C17orf78: variants seen among roughly 807,000 people sequenced by gnomAD.
C17orf78 encodes the protein uncharacterized protein C17orf78.
C17orf78 carries 27 observed loss-of-function variants against 31.8 expected under a neutral mutation model. That is an observed-to-expected ratio of 0.85 (90% CI 0.63 to 1.17). C17orf78 has a LOEUF of 1.17. C17orf78 is among the 50% of genes most tolerant of loss of function. The pLI is 0.00. For synonymous variants in C17orf78, 106 were observed against 115.1 expected, an observed-to-expected ratio of 0.92 and a Z score of 0.51; for missense variants, 258 against 315.2, an observed-to-expected ratio of 0.82 and a Z score of 1.37.
rs2050769679 is a variant in C17orf78 at position 37,390,257 on chromosome 17, A to G, written c.750+895A>G. On this transcript the variant is annotated intron_variant, in intron 6 of 6. Coordinates refer to ENST00000615133, the MANE Select transcript of C17orf78 (RefSeq NM_173625.5). The stretch of plus-strand genomic sequence containing the variant: ...ATATAATATATTATATATATATTAT[A>G]TATAATTATATATAATATATTATAT... Among the ~76,000 whole-genome samples, 4 of 67,294 alleles carry G rather than the reference A, an allele frequency of 5.9e-5. No individual in the cohort carries two copies. The East Asian group carries it at 1.7e-3, about 29-fold the overall frequency. The allele number at this position is 67,294 out of a possible 152,430, so 44.1% of individuals were successfully genotyped here.
intron 6 of C17orf78, among the ~76,000 whole-genome samples, chr17:37,391,081 AC>A (rs756909820): frequency 1.3e-5 from 2 of 152,196 alleles, no homozygotes; most frequent in Middle Eastern, 3.4e-3. Flanking sequence ...AACTAAAAAT[AC>A]AAAAAATTAG....
At chr17:37,390,408 C>T (rs1451236920) in intron 6 of C17orf78, among the ~76,000 whole-genome samples, 1 of 133,186 alleles carries the variant, frequency 7.5e-6, no homozygotes, top group East Asian at 2.3e-4. Flanking sequence ...GCAGGTGGAT[C>T]ACGAGGTCAA....
intron 1 of C17orf78, among the ~76,000 whole-genome samples, chr17:37,376,665 C>T (rs1330825729): frequency 1.3e-5 from 2 of 152,086 alleles, no homozygotes; most frequent in Admixed American, 1.3e-4. Context: ...CTAAAATTAG[C>T]TAATCAAGGC....
At position 37,390,304 on chromosome 17, in the gene C17orf78, T is replaced by TTATATATA. The variant is rs1189193698; in HGVS notation, c.750+965_750+972dup. Reference sequence around the variant, plus strand: ...ATATATAATTATATATTATACATAATTATATATATATATATATATATATAT... The same window carrying TTATATATA: ...ATATATAATTATATATTATACATAATTATATATATATATATATATATATATATATATAT... On this transcript the variant is annotated intron_variant, in intron 6 of 6. Coordinates refer to ENST00000615133, the MANE Select transcript of C17orf78 (RefSeq NM_173625.5). Among the ~76,000 whole-genome samples, 147 of 17,974 alleles carry TTATATATA rather than the reference T, an allele frequency of 8.2e-3. 1 individual carries two copies. Among genetic ancestry groups the TTATATATA allele is most frequent in the South Asian group, 9.3e-3 (5 of 540 alleles). 11.8% of individuals were successfully genotyped at this position (17,974 alleles called of 152,430 possible). A position where few individuals can be genotyped will look rare whatever the true frequency, so the allele number is the denominator to read the frequency against.
At chr17:37,387,941 G>C (rs2050617018) in intron 4 of C17orf78, 1 of 152,088 alleles carries the variant, frequency 6.6e-6, no homozygotes, top group Non-Finnish European at 1.5e-5. Context: ...AAGACTGTAG[G>C]ATCACTTGAG....
chr17:37,381,970 T>C (rs1421670175), intron 3 of C17orf78, among the ~76,000 whole-genome samples: 2 of 152,234 alleles, frequency 1.3e-5, no homozygotes, highest in Non-Finnish European at 2.9e-5. Context: ...ATATATATTT[T>C]GGTCGTTTCC....
intron 3 of C17orf78, 106 bp downstream of exon 3, chr17:37,379,488 A>T: frequency 7.3e-7 from 1 of 1,363,344 alleles, no homozygotes. Context: ...TGAATTATCC[A>T]CTTTTTGATG....
intron 3 of C17orf78, among the ~76,000 whole-genome samples, chr17:37,380,037 A>G (rs2050178416): frequency 6.6e-6 from 1 of 151,534 alleles, no homozygotes; most frequent in Non-Finnish European, 1.5e-5. Context: ...AATGTCCAAT[A>G]ATGATAGACT....
At chr17:37,389,432 C>A in intron 6 of C17orf78, 70 bp downstream of exon 6, 3 of 1,527,292 alleles carry the variant, frequency 2.0e-6, no homozygotes, top group Non-Finnish European at 1.8e-6. Flanking sequence ...CGTGGTGGCT[C>A]ACACCTCTAT....
chr17:37,382,677 T>C (rs1203612127), intron 3 of C17orf78, among the ~76,000 whole-genome samples: 1 of 152,070 alleles, frequency 6.6e-6, no homozygotes, highest in Non-Finnish European at 1.5e-5. Context: ...CTGGCCAACA[T>C]GGTAAAACCT....
intron 1 of C17orf78, among the ~76,000 whole-genome samples, chr17:37,377,328 T>C (rs2050043376): frequency 6.6e-6 from 1 of 152,172 alleles, no homozygotes; most frequent in Non-Finnish European, 1.5e-5. Context: ...TTCTTTATAC[T>C]AGGTCAACTA....
At chr17:37,379,116 A>C (rs368823062) in intron 2 of C17orf78, 21 bp from the exon 3 acceptor site, 12 of 1,600,614 alleles carry the variant, frequency 7.5e-6, no homozygotes, top group East Asian at 4.5e-5. Flanking sequence ...CCATTTTTCT[A>C]TCTGGTTCTT....
intron 1 of C17orf78, among the ~76,000 whole-genome samples, chr17:37,377,455 T>A (rs989542974): frequency 2.0e-5 from 3 of 151,802 alleles, no homozygotes; most frequent in Admixed American, 6.6e-5. Context: ...AAGTAAGGAG[T>A]TTGAGACCAG....
At chr17:37,381,286 C>A (rs937896396) in intron 3 of C17orf78, among the ~76,000 whole-genome samples, 8 of 151,882 alleles carry the variant, frequency 5.3e-5, no homozygotes, top group African/African-American at 1.7e-4. Context: ...CCCAGGTTCA[C>A]GTGATTCTCC....
intron 3 of C17orf78, among the ~76,000 whole-genome samples, chr17:37,381,441 C>G (rs1373048723): frequency 1.3e-5 from 2 of 151,924 alleles, no homozygotes; most frequent in Non-Finnish European, 2.9e-5. Context: ...CCACCTCAGC[C>G]TCCCAAAGTG....
intron 4 of C17orf78, among the ~76,000 whole-genome samples, chr17:37,388,366 G>A (rs1369688461): frequency 6.6e-6 from 1 of 152,100 alleles, no homozygotes; most frequent in Non-Finnish European, 1.5e-5. Flanking sequence ...ATGTGTACCC[G>A]AGATTTTTCT....
chr17:37,389,312 G>A lies in C17orf78; in HGVS notation c.700G>A (p.Gly234Ser), dbSNP rs761844357. The part of the protein sequence containing the change: ...QWLWRWQKKG[G>S]QPPGTAESKP... ...GTTGTGGAGATGGCAAAAGAAGGGA[G>A]GCCAGCCACCTGGGACAGCTGAATC... Residue 234 changes from glycine to serine, a missense_variant, in exon 6 of 7, where the codon GGC becomes AGC. Coordinates refer to ENST00000615133, the MANE Select transcript of C17orf78 (RefSeq NM_173625.5). 4 of 1,598,344 alleles carry A rather than the reference G, an allele frequency of 2.5e-6. No homozygotes were observed. The South Asian group carries it at 4.6e-5, about 18-fold the overall frequency.
chr17:37,390,162 ATATATATATAT>A (rs2050743116), intron 6 of C17orf78, among the ~76,000 whole-genome samples: 1 of 64,080 alleles, frequency 1.6e-5, no homozygotes, highest in Non-Finnish European at 2.7e-5. Context: ...ATATATATAT[ATATATATATAT>A]ATACACACAC....
chr17:37,389,703 A>G (rs2050708202), intron 6 of C17orf78, among the ~76,000 whole-genome samples: 1 of 151,992 alleles, frequency 6.6e-6, no homozygotes, highest in Non-Finnish European at 1.5e-5. Context: ...AAAAGAAAGA[A>G]AAAAAGAAAA....
Sources: allele counts gnomAD v4.1 joint callset (sites outside exome capture counted in the v4.1 genomes callset), GRCh38; gene constraint gnomAD v4.1.1; transcripts MANE v1.5; gene names NCBI Gene and HGNC (gene_info 2026-07-23, HGNC 2026-07-21).